DNAH7: variants seen among roughly 807,000 people sequenced by gnomAD.
DNAH7 encodes dynein axonemal heavy chain 7.
A neutral mutation model predicts 444.6 loss-of-function variants in DNAH7; 397 were observed. The observed-to-expected ratio is 0.89, with a 90% confidence interval of 0.82 to 0.97. The LOEUF is 0.97. DNAH7 is among the 50% of genes least tolerant of loss of function. The pLI is 0.00. For missense variants in DNAH7, 4,902 were observed against 4,800.8 expected (o/e 1.02, Z -0.62); for synonymous variants, 1,636 against 1,624.4 (o/e 1.01, Z -0.17).
chr2:195,906,745 C>T lies in DNAH7; in HGVS notation c.4249G>A (p.Glu1417Lys). ...GCACATGTGGGGTCAAGTTTTAGTT[C>T]AGTTCCTTCAAACATCAGTATATCA... ...GADILMFEGT[E>K]LKLDPTCAVF... Residue 1417 changes from glutamate to lysine, a missense_variant, in exon 27 of 65, where the codon GAA (glutamate) becomes AAA (lysine). Physicochemically the swap from Glu to Lys is moderately conservative, Grantham distance 56 (BLOSUM62 1). Transcript: ENST00000312428. The T allele has an allele frequency of 6.2e-7, 1 of 1,613,414 alleles. No individual in the cohort carries two copies. Among genetic ancestry groups the T allele is most frequent in the Non-Finnish European group, 8.5e-7 (1 of 1,179,556 alleles).
At chr2:195,961,969 T>G (rs1348007388) in intron 17 of DNAH7, among the ~76,000 whole-genome samples, 1 of 152,052 alleles carries the variant, frequency 6.6e-6, no homozygotes, top group Non-Finnish European at 1.5e-5. Flanking sequence ...GAATAAAATA[T>G]ACTATAAAAT....
intron 17 of DNAH7, among the ~76,000 whole-genome samples, chr2:195,961,280 C>T (rs979242518): frequency 6.6e-6 from 1 of 152,098 alleles, no homozygotes; most frequent in African/African-American, 2.4e-5. Context: ...TAGCAATGTT[C>T]ACGTATACAA....
In DNAH7 at chr2:195,777,919, C is replaced by G. The variant is rs771599198; in HGVS notation, c.10945G>C (p.Asp3649His). 4.3e-6 allele frequency: 7 copies of G among 1,614,068 alleles called. No individual in the cohort carries two copies. The South Asian group carries it at 7.7e-5, about 18-fold the overall frequency. Residue 3649 changes from aspartate (D) to histidine (H), a missense_variant, in exon 59 of 65, where the codon GAC (aspartate) becomes CAC (histidine). Asp to His is a moderately conservative substitution (Grantham distance 81). Coordinates refer to ENST00000312428, the MANE Select transcript of DNAH7 (RefSeq NM_018897.3). ...CTGCGCAGCGTGCGCCGGTCCCAGT[C>G]ATCGGTCACTCTGCCTCCGTAATTG... ...ECNYGGRVTD[D>H]WDRRTLRSIL... is the part of the protein sequence containing the mutation.
intron 49 of DNAH7, 30 bp downstream of exon 49, chr2:195,824,221 ATCTG>A: frequency 6.4e-7 from 1 of 1,565,020 alleles, no homozygotes; most frequent in African/African-American, 1.4e-5. Context: ...TAATTACAAA[ATCTG>A]ATAAAGAAAC....
At chr2:195,993,486 G>GGAAAGTCACAA (rs1182482010) in intron 12 of DNAH7, among the ~76,000 whole-genome samples, 5 of 152,284 alleles carry the variant, frequency 3.3e-5, no homozygotes, top group Non-Finnish European at 7.4e-5. Flanking sequence ...CAAATCAACT[G>GGAAAGTCACAA]GAAAGTCACA....
intron 2 of DNAH7, among the ~76,000 whole-genome samples, chr2:196,054,696 CTA>C (rs1697694570): frequency 6.6e-6 from 1 of 152,088 alleles, no homozygotes; most frequent in Non-Finnish European, 1.5e-5. Flanking sequence ...CCCATAATCC[CTA>C]TGTGTCATGG....
At chr2:196,013,731 T>C (rs1694848596) in intron 9 of DNAH7, among the ~76,000 whole-genome samples, 1 of 152,234 alleles carries the variant, frequency 6.6e-6, no homozygotes, top group Non-Finnish European at 1.5e-5. Context: ...AACCAATGTG[T>C]TATTCTGCAT....
Position 195,799,336 on chromosome 2 carries a change from G to C in DNAH7, c.10313C>G (p.Ala3438Gly). The C allele has an allele frequency of 6.2e-7, 1 of 1,608,922 alleles. No homozygotes were observed. The highest frequency in any genetic ancestry group is 8.5e-7 in the Non-Finnish European group (1 of 1,177,524). ...APLIFVLSPGADPMAALLKFA... is the reference protein window; with the variant it reads ...APLIFVLSPGGDPMAALLKFA... ...TTTTAGAAGGGCAGCCATGGGATCT[G>C]CTCCAGGAGAGAGCACGAAAATCAG... The change falls in exon 55 of 65, where the codon GCA (alanine) becomes GGA (glycine). Residue 3438 changes from alanine (A) to glycine (G), a missense_variant. Ala to Gly is a moderately conservative substitution (Grantham distance 60). Transcript: ENST00000312428.
At chr2:196,068,411 C>T (rs1698548747) in intron 1 of DNAH7, 1 of 477,496 alleles carries the variant, frequency 2.1e-6, no homozygotes, top group African/African-American at 2.0e-5. Context: ...AGCACACCGC[C>T]ATTAGCACTC....
chr2:195,927,387 T>C (rs1220047626), intron 21 of DNAH7, among the ~76,000 whole-genome samples: 2 of 152,114 alleles, frequency 1.3e-5, no homozygotes, highest in African/African-American at 2.4e-5. Context: ...GGGATATTTA[T>C]AGAATGGAAC....
intron 21 of DNAH7, among the ~76,000 whole-genome samples, chr2:195,932,531 A>G (rs7589850): frequency 0.061 from 9,314 of 152,190 alleles, 377 homozygotes; most frequent in African/African-American, 0.12. Flanking sequence ...TTGCCCATTC[A>G]GTATGATACT....
intron 5 of DNAH7, among the ~76,000 whole-genome samples, chr2:196,035,573 C>A (rs1696332607): frequency 6.6e-6 from 1 of 152,092 alleles, no homozygotes; most frequent in Admixed American, 6.5e-5. Context: ...TAAAGAAGGA[C>A]CAAAACAGCA....
Position 195,834,360 on chromosome 2 carries a change from C to A in DNAH7, c.8946G>T (p.Met2982Ile). 8 of 1,588,878 alleles carry A rather than the reference C, an allele frequency of 5.0e-6. No individual in the cohort carries two copies. Among genetic ancestry groups the A allele is most frequent in the Non-Finnish European group, 6.0e-6 (7 of 1,161,296 alleles). Reference protein sequence around the residue: ...SFSIDNGIIIMNARRWPLMID... With the variant: ...SFSIDNGIIIINARRWPLMID... ...TCATCAGAGGCCACCTTCTTGCATT[C>A]CTGAAAAGGAGGAGAAAGACGATGC... The change falls in exon 48 of 65, where the codon ATG (methionine) becomes ATT (isoleucine). Residue 2982 changes from methionine to isoleucine, a missense_variant and splice_region_variant. Coordinates refer to ENST00000312428, the MANE Select transcript of DNAH7 (RefSeq NM_018897.3).
chr2:195,957,633 G>A (rs1690775373), intron 18 of DNAH7, among the ~76,000 whole-genome samples, 186 bp from the exon 19 acceptor site: 1 of 142,572 alleles, frequency 7.0e-6, no homozygotes, highest in Non-Finnish European at 1.5e-5. Flanking sequence ...TGTATATAAT[G>A]TTATACAATT....
intron 60 of DNAH7, among the ~76,000 whole-genome samples, chr2:195,773,570 A>G (rs1694939209): frequency 6.6e-6 from 1 of 152,186 alleles, no homozygotes; most frequent in South Asian, 2.1e-4. Context: ...TCCAACTGAT[A>G]CTGATAATTA....
rs1559305246 is a variant in DNAH7 at position 195,987,062 on chromosome 2, A to G, written c.1754+4T>C. The G allele has an allele frequency of 3.1e-6, 5 of 1,587,916 alleles. No homozygotes were observed. In the Admixed American group the frequency reaches 9.6e-5, roughly 31 times the overall value. ...AAATAAAAAAACCAGTATCACATAA[A>G]TACCTTGTATTTACTTCCTGATGAT... On this transcript the variant is annotated splice_donor_region_variant and intron_variant, in intron 14 of 64. Transcript: ENST00000312428.
At chr2:195,800,883 C>CTCATGTT (rs532530092) in intron 54 of DNAH7, among the ~76,000 whole-genome samples, 1 of 152,190 alleles carries the variant, frequency 6.6e-6, no homozygotes, top group Non-Finnish European at 1.5e-5. Context: ...GAAAAATCCA[C>CTCATGTT]TCATGTTTCA....
intron 5 of DNAH7, among the ~76,000 whole-genome samples, chr2:196,043,712 A>C (rs1313499244): frequency 6.6e-6 from 1 of 152,068 alleles, no homozygotes; most frequent in Non-Finnish European, 1.5e-5. Flanking sequence ...AAAAATCAGG[A>C]AGAAAAAAAA....
At chr2:195,887,473 G>A (rs1417303436) in intron 33 of DNAH7, among the ~76,000 whole-genome samples, 1 of 152,080 alleles carries the variant, frequency 6.6e-6, no homozygotes, top group African/African-American at 2.4e-5. Flanking sequence ...GTACCTGTGA[G>A]TCTATCTCTT....
Sources: allele counts gnomAD v4.1 joint callset (sites outside exome capture counted in the v4.1 genomes callset), GRCh38; gene constraint gnomAD v4.1.1; transcripts MANE v1.5; gene names NCBI Gene and HGNC (gene_info 2026-07-23, HGNC 2026-07-21).